Variants in ZFHX3 observed in about 807,000 individuals in gnomAD.
The protein encoded by ZFHX3 is zinc finger homeobox protein 3.
A neutral mutation model predicts 279.1 loss-of-function variants in ZFHX3; 42 were observed. The observed-to-expected ratio is 0.15, with a 90% CI of 0.12 to 0.19. The LOEUF is 0.19. Among genes scored for constraint, ZFHX3 ranks in the 10% least tolerant of loss-of-function variants. The probability of loss-of-function intolerance (pLI) is 1.00; values close to 1 mark genes in which losing one functional copy is unlikely to be tolerated. For synonymous variants in ZFHX3, 2,293 were observed against 1,957.8 expected (o/e 1.17, Z -4.52); for missense variants, 4,981 against 4,754.0 (o/e 1.05, Z -1.40).
intron 2 of ZFHX3, among the ~76,000 whole-genome samples, chr16:73,642,357 C>T (rs141510021): frequency 6.6e-6 from 1 of 152,204 alleles, no homozygotes; most frequent in East Asian, 1.9e-4. Context: ...TTCAGAGGAC[C>T]GCCTCTCTTG....
At chr16:73,566,933 A>G (rs1334801434) in intron 2 of ZFHX3, among the ~76,000 whole-genome samples, 1 of 152,148 alleles carries the variant, frequency 6.6e-6, no homozygotes. Context: ...TCCCAACCTC[A>G]GGTGATCCGC....
intron 1 of ZFHX3, among the ~76,000 whole-genome samples, chr16:73,727,846 G>A (rs558359001): frequency 6.6e-6 from 1 of 152,142 alleles, no homozygotes; most frequent in Non-Finnish European, 1.5e-5. Context: ...TGGTGGTCAA[G>A]GAGAAACCCC....
chr16:73,097,129 C>G (rs1226047507), intron 7 of ZFHX3, among the ~76,000 whole-genome samples: 1 of 151,944 alleles, frequency 6.6e-6, no homozygotes, highest in East Asian at 1.9e-4. Flanking sequence ...TCACAACTCT[C>G]TGCAGCCTCA....
At chr16:73,474,151 T>C (rs948698914) in intron 2 of ZFHX3, among the ~76,000 whole-genome samples, 4 of 152,084 alleles carry the variant, frequency 2.6e-5, no homozygotes, top group African/African-American at 9.7e-5. Context: ...ATTTATTTAT[T>C]TATTGAGACA....
chr16:72,785,312 T>A lies in ZFHX3; in HGVS notation c.*1852A>T, dbSNP rs529498637. 1.3e-5 allele frequency: 2 copies of A among 152,416 alleles called. No homozygotes were observed. The highest frequency in any genetic ancestry group is 6.5e-5 in the Admixed American group (1 of 15,290). The allele number at this position is 152,416 out of a possible 1,614,324, so 9.4% of individuals were successfully genotyped here. A position where few individuals can be genotyped will look rare whatever the true frequency, so the allele number is the denominator to read the frequency against. On this transcript the variant is annotated 3_prime_UTR_variant, in exon 10 of 10. Transcript: ENST00000268489. ...AAACAAGTGCCTCACATACAGTTCC[T>A]TTTTTGCTTTCTGTACACTGCTATC...
chr16:73,416,701 C>G (rs527515148), intron 3 of ZFHX3, among the ~76,000 whole-genome samples: 1 of 151,862 alleles, frequency 6.6e-6, no homozygotes, highest in South Asian at 2.1e-4. Context: ...GTGAAACCCC[C>G]GTCTCTACTA....
At chr16:72,871,342 ATTT>A (rs539356987) in intron 4 of ZFHX3, among the ~76,000 whole-genome samples, 3 of 119,182 alleles carry the variant, frequency 2.5e-5, no homozygotes, top group Non-Finnish European at 3.6e-5. Flanking sequence ...TGCCCGGCTA[ATTT>A]TTTTTTTTTT....
At chr16:73,698,063 C>T (rs2142213937) in intron 1 of ZFHX3, among the ~76,000 whole-genome samples, 1 of 151,914 alleles carries the variant, frequency 6.6e-6, no homozygotes, top group Admixed American at 6.5e-5. Flanking sequence ...CAAAAAAAAA[C>T]ATAGGAAATG....
chr16:72,805,680 T>C (rs1249468576), intron 7 of ZFHX3, among the ~76,000 whole-genome samples: 1 of 152,178 alleles, frequency 6.6e-6, no homozygotes, highest in Non-Finnish European at 1.5e-5. Context: ...AGTTGCTCAC[T>C]TCCTTTCCTG....
intron 5 of ZFHX3, among the ~76,000 whole-genome samples, chr16:73,249,259 CA>C (rs372301761): frequency 2.6e-5 from 4 of 151,900 alleles, no homozygotes; most frequent in African/African-American, 9.7e-5. Flanking sequence ...AAGCCATTTG[CA>C]AAAAGAGGCT....
At chr16:73,586,328 A>G (rs2051925382) in intron 2 of ZFHX3, among the ~76,000 whole-genome samples, 1 of 152,020 alleles carries the variant, frequency 6.6e-6, no homozygotes. Context: ...GGCAGAGGTT[A>G]CAGAAAGCTG....
intron 1 of ZFHX3, among the ~76,000 whole-genome samples, chr16:73,792,859 C>CA (rs1480740043): frequency 2.1e-5 from 3 of 142,278 alleles, no homozygotes; most frequent in African/African-American, 8.0e-5. Flanking sequence ...ACAGTGCACC[C>CA]CCCCCCTCCC....
intron 3 of ZFHX3, among the ~76,000 whole-genome samples, chr16:73,349,385 G>A (rs1282108454): frequency 6.6e-6 from 1 of 152,196 alleles, no homozygotes; most frequent in African/African-American, 2.4e-5. Context: ...GCAGCCTCAT[G>A]CAGGATTTGT....
chr16:73,844,187 ATAAGG>A (rs905543152), intron 1 of ZFHX3, among the ~76,000 whole-genome samples: 1 of 152,234 alleles, frequency 6.6e-6, no homozygotes, highest in African/African-American at 2.4e-5. Context: ...TGAAATAACA[ATAAGG>A]TAAGAAAAAA....
At chr16:73,362,639 G>A (rs1311511724) in intron 3 of ZFHX3, among the ~76,000 whole-genome samples, 1 of 152,242 alleles carries the variant, frequency 6.6e-6, no homozygotes, top group Non-Finnish European at 1.5e-5. Context: ...TGAGCAGAAT[G>A]TGTGGCATAA....
At chr16:73,157,002 G>A (rs1389806705) in intron 5 of ZFHX3, among the ~76,000 whole-genome samples, 1 of 152,110 alleles carries the variant, frequency 6.6e-6, no homozygotes, top group Non-Finnish European at 1.5e-5. Context: ...GTGAGCCACC[G>A]TGCCCGGCCT....
At chr16:72,938,591 C>T (rs549968809) in intron 3 of ZFHX3, among the ~76,000 whole-genome samples, 114 of 152,180 alleles carry the variant, frequency 7.5e-4, no homozygotes, top group Admixed American at 1.2e-3. Context: ...GAGGAATAGC[C>T]ATCCACAGAG....
rs969782846 is a variant in ZFHX3 at position 73,864,992 on chromosome 16, A to G, written c.-1608+26659T>C. Among the ~76,000 whole-genome samples, 26 of 152,270 alleles carry G rather than the reference A, an allele frequency of 1.7e-4. 1 individual carries two copies. Among genetic ancestry groups the G allele is most frequent in the Admixed American group, 1.0e-3 (16 of 15,292 alleles). On this transcript the variant is annotated intron_variant, in intron 1 of 17. Transcript: ENST00000641206. ...GAGTTCTGAGCCTTGTTCTTAAGGG[A>G]CTTTGCAGCTTCTTCTCTACTGCTG...
chr16:73,247,703 T>C (rs1400459720), intron 5 of ZFHX3, among the ~76,000 whole-genome samples: 9 of 151,804 alleles, frequency 5.9e-5, no homozygotes, highest in African/African-American at 2.2e-4. Flanking sequence ...TGTGTGTGTA[T>C]ACTATGTATA....
Sources: gnomAD v4.1 joint callset for allele counts (sites outside exome capture counted in the v4.1 genomes callset) on GRCh38, gnomAD v4.1.1 for gene constraint, MANE v1.5 for transcripts, NCBI Gene and HGNC (gene_info 2026-07-23, HGNC 2026-07-21) for gene names.